The following TEX36 variants were observed in gnomAD, a reference collection of about 807,000 sequenced individuals.
TEX36 encodes the protein testis-expressed protein 36.
TEX36 carries 12 observed loss-of-function variants against 13.6 expected under a neutral mutation model. The observed-to-expected ratio is 0.88, with a 90% CI of 0.56 to 1.43. The LOEUF (loss-of-function observed/expected upper bound fraction) is 1.43. TEX36 is among the 40% of genes most tolerant of loss of function. The pLI, the probability that TEX36 is intolerant of heterozygous loss-of-function variation, is 0.00. For synonymous variants in TEX36, 93 were observed against 83.0 expected, an observed-to-expected ratio of 1.12 and a Z score of -0.65; for missense variants, 224 against 228.3, an observed-to-expected ratio of 0.98 and a Z score of 0.12.
At chr10:125,633,520 GA>G (rs1271916183) in intron 3 of TEX36, among the ~76,000 whole-genome samples, 8 of 152,170 alleles carry the variant, frequency 5.3e-5, no homozygotes, top group African/African-American at 1.7e-4. Context: ...AAAACAGAGG[GA>G]AAACGATTTC....
intron 3 of TEX36, among the ~76,000 whole-genome samples, chr10:125,591,981 T>C (rs1197915615): frequency 1.3e-5 from 2 of 152,168 alleles, no homozygotes; most frequent in Non-Finnish European, 2.9e-5. Flanking sequence ...TAACAAATGA[T>C]TGTCCTGCAC....
chr10:125,657,999 GAGA>G (rs1362560529), intron 3 of TEX36, among the ~76,000 whole-genome samples: 1 of 151,920 alleles, frequency 6.6e-6, no homozygotes, highest in African/African-American at 2.4e-5. Flanking sequence ...GCAAAGTCAG[GAGA>G]AGAAGAAAAA....
At chr10:125,615,515 G>A (rs1846345763) in intron 3 of TEX36, among the ~76,000 whole-genome samples, 1 of 151,968 alleles carries the variant, frequency 6.6e-6, no homozygotes, top group African/African-American at 2.4e-5. Flanking sequence ...TTTATCAAAG[G>A]CCTTTTCTGC....
chr10:125,677,387 C>T (rs1565192446), intron 1 of TEX36, among the ~76,000 whole-genome samples: 1 of 152,128 alleles, frequency 6.6e-6, no homozygotes, highest in African/African-American at 2.4e-5. Context: ...AGAGTTTGCT[C>T]ATACTTTTCA....
At chr10:125,646,826 TA>T (rs1346896789) in intron 3 of TEX36, among the ~76,000 whole-genome samples, 1 of 151,838 alleles carries the variant, frequency 6.6e-6, no homozygotes, top group Non-Finnish European at 1.5e-5. Flanking sequence ...TCCATAAAAA[TA>T]AATGGAAAAG....
chr10:125,621,076 C>T (rs1044886859), downstream of TEX36, among the ~76,000 whole-genome samples: 4 of 152,140 alleles, frequency 2.6e-5, no homozygotes, highest in South Asian at 2.1e-4. Flanking sequence ...AATTGTGTTG[C>T]TATAAAAATG....
At chr10:125,621,715 T>A (rs932537652) in intron 3 of TEX36, 3 of 453,916 alleles carry the variant, frequency 6.6e-6, no homozygotes, top group Non-Finnish European at 1.3e-5. Context: ...AAGCCAACAG[T>A]GTAGCCTTCC....
intron 1 of TEX36, among the ~76,000 whole-genome samples, chr10:125,675,219 G>A (rs1847293090): frequency 6.6e-6 from 1 of 152,200 alleles, no homozygotes; most frequent in Non-Finnish European, 1.5e-5. Flanking sequence ...CTGCTATGCT[G>A]TGCTGTGGGA....
chr10:125,584,335 A>G (rs922562467), intron 3 of TEX36, among the ~76,000 whole-genome samples: 1 of 152,276 alleles, frequency 6.6e-6, no homozygotes, highest in Admixed American at 6.5e-5. Context: ...TAATGCAGCA[A>G]CAGATCACTG....
At chr10:125,608,469 A>G (rs12254965) in intron 3 of TEX36, among the ~76,000 whole-genome samples, 19,610 of 152,254 alleles carry the variant, frequency 0.13, 1,386 homozygotes, top group East Asian at 0.17. Flanking sequence ...GGAATCTGAC[A>G]TGGAAAAACT....
intron 3 of TEX36, among the ~76,000 whole-genome samples, chr10:125,625,506 G>A (rs1028155196): frequency 6.6e-6 from 1 of 152,198 alleles, no homozygotes; most frequent in Non-Finnish European, 1.5e-5. Flanking sequence ...CCATCTGGGG[G>A]TTGGCAGAAT....
At chr10:125,647,148 T>C (rs1263674436) in intron 3 of TEX36, among the ~76,000 whole-genome samples, 2 of 152,192 alleles carry the variant, frequency 1.3e-5, no homozygotes, top group Non-Finnish European at 2.9e-5. Context: ...AACATATTAA[T>C]ATAGAAAAAC....
At chr10:125,587,003 T>G (rs1845962050) in intron 3 of TEX36, among the ~76,000 whole-genome samples, 1 of 152,128 alleles carries the variant, frequency 6.6e-6, no homozygotes, top group Non-Finnish European at 1.5e-5. Context: ...AAGTGTGTAG[T>G]GTCTCCCTCC....
At chr10:125,576,558 C>T (rs965719274) in exon 4 of TEX36, 28 of 738,502 alleles carry the variant, frequency 3.8e-5, no homozygotes, top group East Asian at 1.4e-4. Context: ...TTAATACCTG[C>T]GCCCACACAG....
At chr10:125,612,503 A>G (rs565582536) in intron 3 of TEX36, among the ~76,000 whole-genome samples, 1 of 152,244 alleles carries the variant, frequency 6.6e-6, no homozygotes, top group Non-Finnish European at 1.5e-5. Flanking sequence ...ATATACATAT[A>G]TACATATTTA....
intron 1 of TEX36, among the ~76,000 whole-genome samples, chr10:125,681,871 T>A (rs1005228963): frequency 6.6e-6 from 1 of 152,216 alleles, no homozygotes; most frequent in Non-Finnish European, 1.5e-5. Flanking sequence ...TGCTCCCATT[T>A]TACAGACAAA....
intron 3 of TEX36, 27 bp from the exon 4 acceptor site, chr10:125,656,223 A>T: frequency 7.9e-7 from 1 of 1,272,454 alleles, no homozygotes; most frequent in Non-Finnish European, 1.0e-6. Context: ...CAAGATTCGA[A>T]GGAAAATATT....
At chr10:125,661,815 C>A in intron 2 of TEX36, 31 bp downstream of exon 2, 2 of 1,551,150 alleles carry the variant, frequency 1.3e-6, no homozygotes, top group Non-Finnish European at 1.7e-6. Context: ...TCCACAGGAG[C>A]ACATGGCAGT....
At chr10:125,647,173 A>G (rs541535902) in intron 3 of TEX36, among the ~76,000 whole-genome samples, 7 of 152,352 alleles carry the variant, frequency 4.6e-5, no homozygotes, top group East Asian at 3.9e-4. Flanking sequence ...AATTATCTCA[A>G]TAAAGACCAG....
Sources: allele counts gnomAD v4.1 joint callset (sites outside exome capture counted in the v4.1 genomes callset), GRCh38; gene constraint gnomAD v4.1.1; transcripts MANE v1.5; gene names NCBI Gene and HGNC (gene_info 2026-07-23, HGNC 2026-07-21).